CDH23: variants seen among roughly 807,000 people sequenced by gnomAD.
The protein encoded by CDH23 is cadherin-23.
A neutral mutation model predicts 317.1 loss-of-function variants in CDH23; 189 were observed. The observed-to-expected ratio is 0.60, with a 90% CI of 0.53 to 0.67. CDH23 has a LOEUF of 0.67. Ranked by LOEUF, CDH23 falls within the 30% of genes least tolerant of loss-of-function variation. The pLI, the probability that CDH23 is intolerant of heterozygous loss-of-function variation, is 0.00. For missense variants in CDH23, 4,401 were observed against 4,592.4 expected (o/e 0.96, Z 1.20); for synonymous variants, 1,839 against 1,876.8 (o/e 0.98, Z 0.52).
At chr10:71,572,315 G>A (rs973584458) in intron 8 of CDH23, among the ~76,000 whole-genome samples, 12 of 152,098 alleles carry the variant, frequency 7.9e-5, no homozygotes, top group African/African-American at 2.9e-4. Context: ...TTGCCAGGCC[G>A]ATACCTTCTC....
chr10:71,620,796 C>A (rs1259389063), intron 11 of CDH23, among the ~76,000 whole-genome samples: 12 of 152,218 alleles, frequency 7.9e-5, no homozygotes, highest in Admixed American at 7.9e-4. Flanking sequence ...TCACCTTGGC[C>A]ATTTTCCAGC....
chr10:71,700,528 G>A (rs1865542153), intron 22 of CDH23, among the ~76,000 whole-genome samples: 1 of 152,222 alleles, frequency 6.6e-6, no homozygotes, highest in Non-Finnish European at 1.5e-5. Context: ...CCTATCTCCT[G>A]TTTGCAAAAT....
chr10:71,613,507 C>T (rs1046932325), intron 9 of CDH23, among the ~76,000 whole-genome samples: 1 of 152,188 alleles, frequency 6.6e-6, no homozygotes, highest in Non-Finnish European at 1.5e-5. Context: ...TGGCCTTGCC[C>T]AGCCCATACA....
At chr10:71,767,563 G>C (rs1840580798) in intron 38 of CDH23, among the ~76,000 whole-genome samples, 1 of 152,222 alleles carries the variant, frequency 6.6e-6, no homozygotes, top group Admixed American at 6.5e-5. Flanking sequence ...ATGGTCCACA[G>C]GCTGGGGCTG....
rs1271199663 is a variant in CDH23, at chr10:71,760,062, T to C, written c.4846-17618T>C. ...ACATATATACACACACACATATATATACACACACACATATATATACACACA... is the reference window on the plus strand; with the variant it reads ...ACATATATACACACACACATATATACACACACACACATATATATACACACA... On this transcript the variant is annotated intron_variant, in intron 38 of 69. Coordinates refer to ENST00000224721, the MANE Select transcript of CDH23 (RefSeq NM_022124.6). Among the ~76,000 whole-genome samples the C allele has an allele frequency of 3.5e-4, 9 of 25,396 alleles. 1 individual carries two copies. Among genetic ancestry groups the C allele is most frequent in the Non-Finnish European group, 8.7e-4 (6 of 6,864 alleles). The allele number at this position is 25,396 out of a possible 152,430, so 16.7% of individuals were successfully genotyped here.
At chr10:71,592,347 C>T (rs1331321256) in intron 9 of CDH23, among the ~76,000 whole-genome samples, 1 of 145,622 alleles carries the variant, frequency 6.9e-6, no homozygotes, top group Non-Finnish European at 1.5e-5. Flanking sequence ...TAATAAAATG[C>T]CACTAACTTA....
intron 43 of CDH23, among the ~76,000 whole-genome samples, 165 bp from the exon 44 acceptor site, chr10:71,785,466 G>A (rs1841078185): frequency 6.6e-6 from 1 of 152,244 alleles, no homozygotes; most frequent in African/African-American, 2.4e-5. Flanking sequence ...CTGGGCATGA[G>A]TGGGTCACTC....
intron 28 of CDH23, chr10:71,713,410 C>G (rs989184961): frequency 9.4e-6 from 6 of 641,546 alleles, no homozygotes; most frequent in Admixed American, 2.6e-5. Flanking sequence ...TCTTTACCAA[C>G]TATGGGGTTT....
At chr10:71,814,332 T>C (rs1842045440) in intron 69 of CDH23, among the ~76,000 whole-genome samples, 1 of 152,244 alleles carries the variant, frequency 6.6e-6, no homozygotes. Flanking sequence ...GGAGGATCAC[T>C]TGAGCCCAGG....
In CDH23 at chr10:71,793,542, C is replaced by T. The variant is rs397517349; in HGVS notation, c.6614C>T (p.Pro2205Leu). Reference protein sequence around the residue: ...NITAIDHDLNPKLEYHIVGIV... With the variant: ...NITAIDHDLNLKLEYHIVGIV... ...ACGGCCATTGACCACGACCTCAACC[C>T]AAAGCTAGAGTACCACATTGTCGGC... Residue 2205 changes from proline (P) to leucine (L), a missense_variant, in exon 48 of 70, where the codon CCA (proline) becomes CTA (leucine). Coordinates refer to ENST00000224721, the MANE Select transcript of CDH23 (RefSeq NM_022124.6). 8.7e-6 allele frequency: 14 copies of T among 1,613,702 alleles called. No individual in the cohort carries two copies. The Middle Eastern group carries it at 9.9e-4, about 114-fold the overall frequency.
intron 1 of CDH23, among the ~76,000 whole-genome samples, chr10:71,398,261 G>A (rs1264457740): frequency 1.3e-5 from 2 of 152,198 alleles, no homozygotes; most frequent in East Asian, 3.9e-4. Flanking sequence ...TTCCTCGGTA[G>A]TAATACTCCC....
At chr10:71,575,256 G>T (rs925215964) in intron 8 of CDH23, among the ~76,000 whole-genome samples, 5 of 152,132 alleles carry the variant, frequency 3.3e-5, no homozygotes, top group African/African-American at 1.2e-4. Context: ...CTGGAAAGAG[G>T]CCCCTGAGTT....
At chr10:71,500,346 G>A (rs1421790017) in intron 3 of CDH23, among the ~76,000 whole-genome samples, 1 of 152,238 alleles carries the variant, frequency 6.6e-6, no homozygotes, top group African/African-American at 2.4e-5. Flanking sequence ...CTCTGGGTTT[G>A]TGTCGTCCGG....
In CDH23 at chr10:71,811,570, G is replaced by A; in HGVS notation, c.9258G>A (p.Met3086Ile). Residue 3086 changes from methionine (M) to isoleucine (I), a missense_variant, in exon 64 of 70, where the codon ATG (methionine) becomes ATA (isoleucine). By Grantham distance (10) the Met-to-Ile change is conservative. Around this residue, in one of 3 missense-constraint regions of CDH23, gnomAD observed 1,144 missense variants for 1,138.2 expected, o/e 1.01. Coordinates refer to ENST00000224721, the MANE Select transcript of CDH23 (RefSeq NM_022124.6). The part of the protein sequence containing the change: ...LFLAAMLFVL[M>I]NWYYRTVHKR... ...TGGCCGCCATGCTCTTTGTCCTCAT[G>A]AACTGGTACTACAGGACTGTGTGAG... is the stretch of plus-strand genomic sequence containing the variant. 6.2e-7 allele frequency: 1 copy of A among 1,613,956 alleles called. No individual in the cohort carries two copies. Among genetic ancestry groups the A allele is most frequent in the Non-Finnish European group, 8.5e-7 (1 of 1,179,888 alleles).
In CDH23 at chr10:71,570,868, A is replaced by G. The variant is rs755616454; in HGVS notation, c.703A>G (p.Ile235Val). 3 of 1,613,994 alleles carry G rather than the reference A, an allele frequency of 1.9e-6. No individual in the cohort carries two copies. Among genetic ancestry groups the G allele is most frequent in the Non-Finnish European group, 2.5e-6 (3 of 1,179,868 alleles). Residue 235 changes from isoleucine to valine, a missense_variant, in exon 8 of 70, where the codon ATC becomes GTC. Around this residue, in one of 3 missense-constraint regions of CDH23, gnomAD observed 3,068 missense variants for 3,203.3 expected, o/e 0.96. Coordinates refer to ENST00000224721, the MANE Select transcript of CDH23 (RefSeq NM_022124.6). ...IITDVQDMDP[I>V]FINLPYSTNI... ...CACAGATGTCCAGGACATGGACCCC[A>G]TCTTCATCAACCTGCCTTACAGCAC...
At chr10:71,569,795 A>T (rs889722130) in intron 7 of CDH23, among the ~76,000 whole-genome samples, 1 of 152,230 alleles carries the variant, frequency 6.6e-6, no homozygotes, top group Admixed American at 6.5e-5. Context: ...AAAGCACTGC[A>T]GTTACTATTA....
At chr10:71,691,810 C>T (rs1865195939) in intron 20 of CDH23, among the ~76,000 whole-genome samples, 1 of 152,210 alleles carries the variant, frequency 6.6e-6, no homozygotes, top group South Asian at 2.1e-4. Flanking sequence ...AGGGCATCAG[C>T]TCTTCCTGCT....
At position 71,751,963 on chromosome 10, in the gene CDH23, C is replaced by A; in HGVS notation, c.4845+10042C>A. The A allele has an allele frequency of 1.6e-6, 2 of 1,224,904 alleles. No individual in the cohort carries two copies. Among genetic ancestry groups the A allele is most frequent in the Non-Finnish European group, 2.3e-6 (2 of 864,160 alleles). The allele number at this position is 1,224,904 out of a possible 1,614,324, so 75.9% of individuals were successfully genotyped here. On this transcript the variant is annotated intron_variant, in intron 38 of 69. Transcript: ENST00000224721. This position sits in a 1 kb window ranked among gnomAD's most constrained non-coding sequence, Gnocchi z 4.9. ...TCTCCTCCCTTTCTCTCACCTACAT[C>A]CCCATCCCCAAGCCTCAGCAGCATC...
chr10:71,746,462 T>A (rs1333502483), intron 38 of CDH23, among the ~76,000 whole-genome samples: 1 of 152,214 alleles, frequency 6.6e-6, no homozygotes, highest in Non-Finnish European at 1.5e-5. Flanking sequence ...AAGGGGTATC[T>A]GGGCCAGACC....
Sources: gnomAD v4.1 joint callset for allele counts (sites outside exome capture counted in the v4.1 genomes callset) on GRCh38, gnomAD v4.1.1 for gene constraint, gnomAD v4.1.1 regional missense constraint, Gnocchi (gnomAD v3.1) non-coding constraint, MANE v1.5 for transcripts, NCBI Gene and HGNC (gene_info 2026-07-23, HGNC 2026-07-21) for gene names.